The following FOXP1 variants were observed in gnomAD, a reference collection of about 807,000 sequenced individuals.
FOXP1 encodes the protein forkhead box P1, also known as forkhead box protein P1.
Under a neutral mutation model 98.2 loss-of-function variants are expected in FOXP1, and 15 were observed. That is an observed-to-expected ratio of 0.15 (90% CI 0.10 to 0.24). FOXP1 has a LOEUF of 0.24. Ranked by LOEUF, FOXP1 falls within the 10% of genes least tolerant of loss-of-function variation. FOXP1 has a pLI of 1.00. For missense variants in FOXP1, 633 were observed against 848.5 expected (o/e 0.75, Z 3.15); for synonymous variants, 371 against 314.5 (o/e 1.18, Z -1.90).
intron 5 of FOXP1, among the ~76,000 whole-genome samples, chr3:71,281,329 ACTCT>A (rs1005220535): frequency 5.9e-5 from 9 of 151,854 alleles, no homozygotes; most frequent in Non-Finnish European, 1.0e-4. Flanking sequence ...GCACACACTC[ACTCT>A]CTCTTTCTCC....
At chr3:70,973,806 A>G (rs1451871929) in intron 17 of FOXP1, among the ~76,000 whole-genome samples, 1 of 143,876 alleles carries the variant, frequency 7.0e-6, no homozygotes, top group Non-Finnish European at 1.5e-5. Flanking sequence ...TTCCAGCAAC[A>G]CTGCTATTGC....
At chr3:71,070,101 G>C (rs765624252) in intron 7 of FOXP1, among the ~76,000 whole-genome samples, 1 of 152,132 alleles carries the variant, frequency 6.6e-6, no homozygotes, top group Non-Finnish European at 1.5e-5. Context: ...TTATTCAAAA[G>C]ACAACTTTTA....
intron 2 of FOXP1, among the ~76,000 whole-genome samples, chr3:71,547,482 G>C (rs2045453344): frequency 6.6e-6 from 1 of 152,158 alleles, no homozygotes; most frequent in Non-Finnish European, 1.5e-5. Context: ...TGCTCCTTTG[G>C]GCCCCGTTTG....
At chr3:71,184,510 A>G (rs1040702891) in intron 6 of FOXP1, among the ~76,000 whole-genome samples, 14 of 152,182 alleles carry the variant, frequency 9.2e-5, no homozygotes, top group African/African-American at 3.4e-4. Flanking sequence ...AGATTGCTTT[A>G]TATGACCTTA....
intron 14 of FOXP1, among the ~76,000 whole-genome samples, chr3:70,982,705 T>TA (rs61391125): frequency 6.6e-6 from 1 of 152,040 alleles, no homozygotes; most frequent in African/African-American, 2.4e-5. Context: ...TTTTTTTTTT[T>TA]AATTAATTAA....
intron 2 of FOXP1, among the ~76,000 whole-genome samples, chr3:71,523,627 T>C (rs1263990710): frequency 1.3e-5 from 2 of 152,214 alleles, no homozygotes; most frequent in Non-Finnish European, 2.9e-5. Flanking sequence ...CTAAATTCAC[T>C]GTTTGCCTCC....
chr3:71,457,202 A>T (rs1324499223), intron 3 of FOXP1, among the ~76,000 whole-genome samples: 2 of 152,184 alleles, frequency 1.3e-5, no homozygotes, highest in African/African-American at 2.4e-5. Context: ...ATACTTGTGG[A>T]TTAATACCAT....
At chr3:71,574,150 T>G (rs988532574) in intron 2 of FOXP1, 14 of 152,278 alleles carry the variant, frequency 9.2e-5, no homozygotes, top group Admixed American at 9.2e-4. Flanking sequence ...ATTTTAAAAG[T>G]TTTTATTAGA....
chr3:71,053,766 A>G lies in FOXP1; in HGVS notation c.290T>C (p.Val97Ala). The change falls in exon 8 of 21, where the codon GTG becomes GCG. Residue 97 changes from valine (V) to alanine (A), a missense_variant. Physicochemically the swap from Val to Ala is moderately conservative, Grantham distance 64 (BLOSUM62 0). Transcript: ENST00000649528. Reference protein sequence around the residue: ...NDKQPALQVPVSVAMMTPQVI... With the variant: ...NDKQPALQVPASVAMMTPQVI... ...TTGAGGTGTCATCATAGCCACTGAC[A>G]CGGGAACCTAGAATGTTAATGAAGG... 6.2e-7 allele frequency: 1 copy of G among 1,614,044 alleles called. No homozygotes were observed. Among genetic ancestry groups the G allele is most frequent in the Non-Finnish European group, 8.5e-7 (1 of 1,179,960 alleles).
chr3:71,027,909 T>A (rs555524360), intron 11 of FOXP1, among the ~76,000 whole-genome samples: 335 of 152,278 alleles, frequency 2.2e-3, no homozygotes, highest in African/African-American at 7.3e-3. Flanking sequence ...CAACTTTAAG[T>A]AAGTTCTCAT....
At chr3:71,081,718 G>A (rs1487347972) in intron 7 of FOXP1, among the ~76,000 whole-genome samples, 2 of 152,126 alleles carry the variant, frequency 1.3e-5, no homozygotes, top group African/African-American at 4.8e-5. Context: ...ATACAACTAA[G>A]TATTACTCAC....
chr3:71,311,355 G>A (rs1196058675), intron 4 of FOXP1, among the ~76,000 whole-genome samples: 1 of 152,236 alleles, frequency 6.6e-6, no homozygotes, highest in Non-Finnish European at 1.5e-5. Context: ...CTCCCAAAGT[G>A]CTGGGATTAC....
chr3:71,104,883 T>TG (rs773593549), intron 7 of FOXP1, among the ~76,000 whole-genome samples: 7 of 152,208 alleles, frequency 4.6e-5, no homozygotes, highest in Non-Finnish European at 8.8e-5. Flanking sequence ...AGCATTAATA[T>TG]GTTCATTAAA....
chr3:71,042,195 A>G (rs1313484867), intron 10 of FOXP1, among the ~76,000 whole-genome samples: 2 of 152,228 alleles, frequency 1.3e-5, no homozygotes, highest in Non-Finnish European at 2.9e-5. Context: ...TACAAGTAAC[A>G]CTATTATTAC....
At chr3:71,179,009 C>CG (rs2062118288) in intron 6 of FOXP1, among the ~76,000 whole-genome samples, 1 of 92,488 alleles carries the variant, frequency 1.1e-5, no homozygotes, top group Non-Finnish European at 2.0e-5. Context: ...GGCACTCTGT[C>CG]TAAAAAAAAA....
intron 14 of FOXP1, among the ~76,000 whole-genome samples, chr3:70,981,008 A>C (rs2038736957): frequency 6.6e-6 from 1 of 152,146 alleles, no homozygotes; most frequent in Non-Finnish European, 1.5e-5. Flanking sequence ...AAGATCACCA[A>C]GTTAACTGAG....
intron 2 of FOXP1, among the ~76,000 whole-genome samples, chr3:71,549,901 C>T (rs1025310519): frequency 1.6e-5 from 2 of 126,674 alleles, no homozygotes; most frequent in Admixed American, 8.0e-5. Context: ...CTCTGGTAAA[C>T]TTTTAATTTT....
intron 4 of FOXP1, among the ~76,000 whole-genome samples, chr3:71,339,904 T>C (rs531382914): frequency 1.2e-4 from 19 of 152,344 alleles, no homozygotes; most frequent in East Asian, 7.7e-4. Context: ...TTAACATACA[T>C]GTAAAATCTC....
intron 3 of FOXP1, among the ~76,000 whole-genome samples, chr3:71,397,285 T>A (rs1375716661): frequency 6.6e-6 from 1 of 151,666 alleles, no homozygotes; most frequent in Non-Finnish European, 1.5e-5. Context: ...GAGATCTAAC[T>A]GGATTCCAAA....
Sources: allele counts gnomAD v4.1 joint callset (sites outside exome capture counted in the v4.1 genomes callset), GRCh38; gene constraint gnomAD v4.1.1; transcripts MANE v1.5; gene names NCBI Gene and HGNC (gene_info 2026-07-23, HGNC 2026-07-21).